H3-4: variants seen among roughly 807,000 people sequenced by gnomAD.
The protein encoded by H3-4 is H3.4 histone, cluster member, also known as histone H3.1t.
A neutral mutation model predicts 3.8 loss-of-function variants in H3-4; 6 were observed. That is an observed-to-expected ratio of 1.59 (90% CI 0.87 to 3.13). The LOEUF (loss-of-function observed/expected upper bound fraction) is 3.13, where lower values mean the gene tolerates loss of function less well. H3-4 is among the 30% of genes most tolerant of loss of function. H3-4 has a pLI of 0.00. For synonymous variants in H3-4, 138 were observed against 86.5 expected (o/e 1.60, Z -3.30); for missense variants, 298 against 202.4 (o/e 1.47, Z -2.87).
Position 228,424,860 on chromosome 1 carries a change from A to T in H3-4, c.*55T>A. The T allele has an allele frequency of 6.2e-7, 1 of 1,606,696 alleles. No homozygotes were observed. The stretch of plus-strand genomic sequence containing the variant: ...CTCTTCGACCAGGTGGGTGGCTCTT[A>T]AAAGAGCCTTTGGGGTGAACGTTGC... On this transcript the variant is annotated 3_prime_UTR_variant, in exon 1 of 1. Transcript: ENST00000366696.
In H3-4 at chr1:228,425,359, GC is replaced by G; in HGVS notation, c.-35del. The G allele has an allele frequency of 6.2e-7, 1 of 1,612,670 alleles. No homozygotes were observed. The highest frequency in any genetic ancestry group is 8.5e-7 in the Non-Finnish European group (1 of 1,178,906). On this transcript the variant is annotated 5_prime_UTR_variant, in exon 1 of 1. Coordinates refer to ENST00000366696, the MANE Select transcript of H3-4 (RefSeq NM_003493.3). ...AACTGTTGGCCCCGCGGTGTCCTCT[GC>G]CCAGACCTCAGCGGATTGCTCGCTT... is the stretch of plus-strand genomic sequence containing the variant.
At position 228,424,987 on chromosome 1, in the gene H3-4, G is replaced by C. The variant is rs769122987; in HGVS notation, c.339C>G (p.Ile113Met). 1.9e-6 allele frequency: 3 copies of C among 1,614,134 alleles called. No homozygotes were observed. The East Asian group carries it at 6.7e-5, about 36-fold the overall frequency. ...GCATGATGGTGACCCGTTTGGCATG[G>C]ATGACACACAGGTTGGTGTCCTCAA... is the stretch of plus-strand genomic sequence containing the variant. The part of the protein sequence containing the change: ...GLFEDTNLCV[I>M]HAKRVTIMPK... The change falls in exon 1 of 1, where the codon ATC (isoleucine) becomes ATG (methionine). Residue 113 changes from isoleucine to methionine, a missense_variant. Coordinates refer to ENST00000366696, the MANE Select transcript of H3-4 (RefSeq NM_003493.3).
rs976779842 is a variant in H3-4, at chr1:228,425,134, G to A, written c.192C>T (p.Arg64=). Residue 64 remains arginine (R), a synonymous_variant, in exon 1 of 1, where the codon CGC becomes CGT. Transcript: ENST00000366696. Reference sequence around the variant, plus strand: ...GCATCAGCCGCTGGAAGGGCAACTTGCGGATTAGCAGCTCAGTGGACTTCT... The same window carrying A: ...GCATCAGCCGCTGGAAGGGCAACTTACGGATTAGCAGCTCAGTGGACTTCT... ...RYQKSTELLI[R]KLPFQRLMRE... is the part of the protein sequence containing the mutation. 11 of 1,613,930 alleles carry A rather than the reference G, an allele frequency of 6.8e-6. No homozygotes were observed. The highest frequency in any genetic ancestry group is 7.6e-6 in the Non-Finnish European group (9 of 1,179,876).
At position 228,425,167 on chromosome 1, in the gene H3-4, G is replaced by A. The variant is rs1414685429; in HGVS notation, c.159C>T (p.Arg53=). Residue 53 remains arginine, a synonymous_variant, in exon 1 of 1, where the codon CGC becomes CGT. Transcript: ENST00000366696. ...RPGTVALREI[R]RYQKSTELLI... is the part of the protein sequence containing the mutation. Reference sequence around the variant, plus strand: ...GCAGCTCAGTGGACTTCTGGTAGCGGCGGATCTCGCGAAGCGCCACCGTGC... The same window carrying A: ...GCAGCTCAGTGGACTTCTGGTAGCGACGGATCTCGCGAAGCGCCACCGTGC... 11 of 1,613,898 alleles carry A rather than the reference G, an allele frequency of 6.8e-6. No individual in the cohort carries two copies. Among genetic ancestry groups the A allele is most frequent in the Admixed American group, 1.7e-5 (1 of 60,004 alleles).
Position 228,425,304 on chromosome 1 carries a change from C to CA in H3-4, c.21dup (p.Ala8CysfsTer53), listed in dbSNP as rs1558465501. The CA allele has an allele frequency of 6.2e-7, 1 of 1,613,912 alleles. No individual in the cohort carries two copies. Among genetic ancestry groups the CA allele is most frequent in the Non-Finnish European group, 8.5e-7 (1 of 1,179,830 alleles). On this transcript the variant is annotated frameshift_variant, in exon 1 of 1. Transcript: ENST00000366696. LOFTEE classifies it low-confidence loss of function (END_TRUNC). ...GCCTTGCCACCCGTTGACTTGCGCG[C>CA]AGTCTGCTTGGTTCGGGCCATGAAT... is the stretch of plus-strand genomic sequence containing the variant.
At position 228,425,320 on chromosome 1, in the gene H3-4, G is replaced by C. The variant is rs771397551; in HGVS notation, c.6C>G (p.Ala2=). Residue 2 remains alanine (A), a synonymous_variant, in exon 1 of 1, where the codon GCC becomes GCG. Transcript: ENST00000366696. ...ACTTGCGCGCAGTCTGCTTGGTTCG[G>C]GCCATGAATCCGAAACTGTTGGCCC... M[A]RTKQTARKST... The C allele has an allele frequency of 6.2e-7, 1 of 1,613,876 alleles. No homozygotes were observed. The highest frequency in any genetic ancestry group is 8.5e-7 in the Non-Finnish European group (1 of 1,179,816).
chr1:228,425,314 G>T lies in H3-4; in HGVS notation c.12C>A (p.Thr4=). 1 of 1,613,908 alleles carries T rather than the reference G, an allele frequency of 6.2e-7. No homozygotes were observed. Among genetic ancestry groups the T allele is most frequent in the Non-Finnish European group, 8.5e-7 (1 of 1,179,828 alleles). The change falls in exon 1 of 1, where the codon ACC becomes ACA. Residue 4 remains threonine (T), a synonymous_variant. Transcript: ENST00000366696. MAR[T]KQTARKSTGG... ...CCGTTGACTTGCGCGCAGTCTGCTTGGTTCGGGCCATGAATCCGAAACTGT... is the reference window on the plus strand; with the variant it reads ...CCGTTGACTTGCGCGCAGTCTGCTTTGTTCGGGCCATGAATCCGAAACTGT...
chr1:228,425,332 G>GA lies in H3-4; in HGVS notation c.-8dup. 6.2e-6 allele frequency: 10 copies of GA among 1,613,826 alleles called. No individual in the cohort carries two copies. The highest frequency in any genetic ancestry group is 8.5e-6 in the Non-Finnish European group (10 of 1,179,794). On this transcript the variant is annotated 5_prime_UTR_variant, in exon 1 of 1. Transcript: ENST00000366696. ...TCTGCTTGGTTCGGGCCATGAATCC[G>GA]AAACTGTTGGCCCCGCGGTGTCCTC... is the stretch of plus-strand genomic sequence containing the variant.
rs201904037 is a variant in H3-4, at chr1:228,425,168, C to G, written c.158G>C (p.Arg53Pro). 1 of 1,613,876 alleles carries G rather than the reference C, an allele frequency of 6.2e-7. No individual in the cohort carries two copies. The change falls in exon 1 of 1, where the codon CGC (arginine) becomes CCC (proline). Residue 53 changes from arginine (R) to proline (P), a missense_variant. Arg to Pro is a moderately radical substitution (Grantham distance 103). Coordinates refer to ENST00000366696, the MANE Select transcript of H3-4 (RefSeq NM_003493.3). ...CAGCTCAGTGGACTTCTGGTAGCGG[C>G]GGATCTCGCGAAGCGCCACCGTGCC... ...RPGTVALREIRRYQKSTELLI... is the reference protein window; with the variant it reads ...RPGTVALREIPRYQKSTELLI...
Position 228,425,144 on chromosome 1 carries a change from A to T in H3-4, c.182T>A (p.Leu61Gln). 1 of 1,614,014 alleles carries T rather than the reference A, an allele frequency of 6.2e-7. No homozygotes were observed. Among genetic ancestry groups the T allele is most frequent in the Non-Finnish European group, 8.5e-7 (1 of 1,179,856 alleles). The change falls in exon 1 of 1, where the codon CTG becomes CAG. Residue 61 changes from leucine (L) to glutamine (Q), a missense_variant. By Grantham distance (113) the Leu-to-Gln change is moderately radical. Transcript: ENST00000366696. ...EIRRYQKSTE[L>Q]LIRKLPFQRL... The stretch of plus-strand genomic sequence containing the variant: ...CTGGAAGGGCAACTTGCGGATTAGC[A>T]GCTCAGTGGACTTCTGGTAGCGGCG...
chr1:228,424,988 A>G lies in H3-4; in HGVS notation c.338T>C (p.Ile113Thr), dbSNP rs1215285009. ...GLFEDTNLCV[I>T]HAKRVTIMPK... ...CATGATGGTGACCCGTTTGGCATGG[A>G]TGACACACAGGTTGGTGTCCTCAAA... The change falls in exon 1 of 1, where the codon ATC becomes ACC. Residue 113 changes from isoleucine (I) to threonine (T), a missense_variant. Physicochemically the swap from Ile to Thr is moderately conservative, Grantham distance 89. Coordinates refer to ENST00000366696, the MANE Select transcript of H3-4 (RefSeq NM_003493.3). The G allele has an allele frequency of 1.2e-6, 2 of 1,614,206 alleles. No homozygotes were observed. The highest frequency in any genetic ancestry group is 1.7e-6 in the Non-Finnish European group (2 of 1,180,036).
chr1:228,425,254 C>T lies in H3-4; in HGVS notation c.72G>A (p.Lys24=). 1 of 1,613,750 alleles carries T rather than the reference C, an allele frequency of 6.2e-7. No homozygotes were observed. The highest frequency in any genetic ancestry group is 8.5e-7 in the Non-Finnish European group (1 of 1,179,778). ...TGGCAGGTGCGCTCTTGCGAGCCAC[C>T]TTGGTGGCCAGCTGCTTGCGCGGCG... ...GKAPRKQLAT[K]VARKSAPATG... Residue 24 remains lysine, a synonymous_variant, in exon 1 of 1, where the codon AAG becomes AAA. Coordinates refer to ENST00000366696, the MANE Select transcript of H3-4 (RefSeq NM_003493.3).
rs755844729 is a variant in H3-4 at position 228,425,002 on chromosome 1, G to C, written c.324C>G (p.Thr108=). ...GTTTGGCATGGATGACACACAGGTT[G>C]GTGTCCTCAAACAGCCCCACCAGGT... ...ESYLVGLFED[T]NLCVIHAKRV... Residue 108 remains threonine (T), a synonymous_variant, in exon 1 of 1, where the codon ACC becomes ACG. Coordinates refer to ENST00000366696, the MANE Select transcript of H3-4 (RefSeq NM_003493.3). 2.5e-6 allele frequency: 4 copies of C among 1,614,222 alleles called. No homozygotes were observed.
chr1:228,425,294 G>A lies in H3-4; in HGVS notation c.32C>T (p.Ser11Leu), dbSNP rs752078278. The A allele has an allele frequency of 1.2e-6, 2 of 1,613,900 alleles. No homozygotes were observed. The highest frequency in any genetic ancestry group is 2.2e-5 in the East Asian group (1 of 44,876). ...CTTGCGCGGCGCCTTGCCACCCGTT[G>A]ACTTGCGCGCAGTCTGCTTGGTTCG... MARTKQTARK[S>L]TGGKAPRKQL... The change falls in exon 1 of 1, where the codon TCA becomes TTA. Residue 11 changes from serine (S) to leucine (L), a missense_variant. Ser to Leu is a moderately radical substitution (Grantham distance 145). Transcript: ENST00000366696.
rs768438923 is a variant in H3-4, at chr1:228,425,314, G to A, written c.12C>T (p.Thr4=). MAR[T]KQTARKSTGG... is the part of the protein sequence containing the mutation. Reference sequence around the variant, plus strand: ...CCGTTGACTTGCGCGCAGTCTGCTTGGTTCGGGCCATGAATCCGAAACTGT... The same window carrying A: ...CCGTTGACTTGCGCGCAGTCTGCTTAGTTCGGGCCATGAATCCGAAACTGT... Residue 4 remains threonine, a synonymous_variant, in exon 1 of 1, where the codon ACC becomes ACT. Transcript: ENST00000366696. 6.2e-7 allele frequency: 1 copy of A among 1,613,908 alleles called. No individual in the cohort carries two copies. The highest frequency in any genetic ancestry group is 8.5e-7 in the Non-Finnish European group (1 of 1,179,828).
rs1003801489 is a variant in H3-4, at chr1:228,425,091, AG to A, written c.234del (p.Phe79LeufsTer12). 1 of 1,614,150 alleles carries A rather than the reference AG, an allele frequency of 6.2e-7. No individual in the cohort carries two copies. Among genetic ancestry groups the A allele is most frequent in the African/African-American group, 1.3e-5 (1 of 74,952 alleles). Reference sequence around the variant, plus strand: ...CTCTGGAAGCGCAGGTCGGTCTTAAAGTCCTGAGCGATCTCGCGCATCAGCC... The same window carrying A: ...CTCTGGAAGCGCAGGTCGGTCTTAAATCCTGAGCGATCTCGCGCATCAGCC... ...FQRLMREIAQ[D>X]FKTDLRFQSS... On this transcript the variant is annotated frameshift_variant, in exon 1 of 1. Transcript: ENST00000366696. LOFTEE classifies it high-confidence loss of function.
chr1:228,424,990 G>A lies in H3-4; in HGVS notation c.336C>T (p.Val112=), dbSNP rs1378579982. 3.1e-6 allele frequency: 5 copies of A among 1,614,252 alleles called. No individual in the cohort carries two copies. The highest frequency in any genetic ancestry group is 3.4e-6 in the Non-Finnish European group (4 of 1,180,046). The change falls in exon 1 of 1, where the codon GTC becomes GTT. Residue 112 remains valine, a synonymous_variant. Transcript: ENST00000366696. ...VGLFEDTNLC[V]IHAKRVTIMP... Reference sequence around the variant, plus strand: ...TGATGGTGACCCGTTTGGCATGGATGACACACAGGTTGGTGTCCTCAAACA... The same window carrying A: ...TGATGGTGACCCGTTTGGCATGGATAACACACAGGTTGGTGTCCTCAAACA...
In H3-4 at chr1:228,425,169, G is replaced by A; in HGVS notation, c.157C>T (p.Arg53Cys). 1.2e-6 allele frequency: 2 copies of A among 1,613,886 alleles called. No homozygotes were observed. Among genetic ancestry groups the A allele is most frequent in the Non-Finnish European group, 1.7e-6 (2 of 1,179,788 alleles). The change falls in exon 1 of 1, where the codon CGC becomes TGC. Residue 53 changes from arginine (R) to cysteine (C), a missense_variant. Physicochemically the swap from Arg to Cys is radical, Grantham distance 180. Transcript: ENST00000366696. ...RPGTVALREI[R>C]RYQKSTELLI... ...AGCTCAGTGGACTTCTGGTAGCGGC[G>A]GATCTCGCGAAGCGCCACCGTGCCG...
chr1:228,425,264 A>G lies in H3-4; in HGVS notation c.62T>C (p.Leu21Pro). Reference sequence around the variant, plus strand: ...GCTCTTGCGAGCCACCTTGGTGGCCAGCTGCTTGCGCGGCGCCTTGCCACC... The same window carrying G: ...GCTCTTGCGAGCCACCTTGGTGGCCGGCTGCTTGCGCGGCGCCTTGCCACC... ...STGGKAPRKQ[L>P]ATKVARKSAP... The change falls in exon 1 of 1, where the codon CTG becomes CCG. Residue 21 changes from leucine (L) to proline (P), a missense_variant. Leu to Pro is a moderately conservative substitution (Grantham distance 98). Coordinates refer to ENST00000366696, the MANE Select transcript of H3-4 (RefSeq NM_003493.3). 1 of 1,613,712 alleles carries G rather than the reference A, an allele frequency of 6.2e-7. No individual in the cohort carries two copies. The highest frequency in any genetic ancestry group is 8.5e-7 in the Non-Finnish European group (1 of 1,179,772).
Sources: gnomAD v4.1 joint callset for allele counts on GRCh38, gnomAD v4.1.1 for gene constraint, MANE v1.5 for transcripts, NCBI Gene and HGNC (gene_info 2026-07-23, HGNC 2026-07-21) for gene names.